PIP4K2A: variants seen among roughly 807,000 people sequenced by gnomAD.
PIP4K2A encodes phosphatidylinositol 5-phosphate 4-kinase type-2 alpha.
A neutral mutation model predicts 42.9 loss-of-function variants in PIP4K2A; 14 were observed. That is an observed-to-expected ratio of 0.33 (90% CI 0.22 to 0.51). The LOEUF is 0.51. Among genes scored for constraint, PIP4K2A ranks in the 20% least tolerant of loss-of-function variants. The pLI is 0.97. For missense variants in PIP4K2A, 434 were observed against 519.8 expected (o/e 0.83, Z 1.61); for synonymous variants, 192 against 192.2 (o/e 1.00, Z 0.01).
intron 1 of PIP4K2A, among the ~76,000 whole-genome samples, chr10:22,689,176 G>A (rs976404830): frequency 1.3e-5 from 2 of 151,336 alleles, no homozygotes; most frequent in African/African-American, 4.9e-5. Context: ...CACTCCCCAA[G>A]CTGCCCCTCA....
intron 6 of PIP4K2A, among the ~76,000 whole-genome samples, chr10:22,561,939 A>G (rs1355693073): frequency 6.6e-6 from 1 of 152,212 alleles, no homozygotes; most frequent in African/African-American, 2.4e-5. Flanking sequence ...AGCAATGAAT[A>G]TAATATTCTT....
intron 3 of PIP4K2A, among the ~76,000 whole-genome samples, chr10:22,592,622 G>C (rs1837539084): frequency 1.3e-5 from 2 of 152,188 alleles, no homozygotes; most frequent in South Asian, 4.1e-4. Flanking sequence ...GTTCATGCTA[G>C]TGACACTGGC....
intron 1 of PIP4K2A, among the ~76,000 whole-genome samples, chr10:22,629,443 A>G (rs540497490): frequency 5.3e-5 from 8 of 152,188 alleles, no homozygotes; most frequent in Non-Finnish European, 1.0e-4. Flanking sequence ...ATTTCGAGGA[A>G]AGCAATCTAT....
intron 1 of PIP4K2A, among the ~76,000 whole-genome samples, chr10:22,631,093 C>G (rs763227425): frequency 1.3e-5 from 2 of 152,150 alleles, no homozygotes; most frequent in Non-Finnish European, 2.9e-5. Flanking sequence ...CCACAGGATA[C>G]GACGTTCAGT....
At chr10:22,687,825 T>C (rs997187292) in intron 1 of PIP4K2A, among the ~76,000 whole-genome samples, 4 of 152,236 alleles carry the variant, frequency 2.6e-5, no homozygotes, top group African/African-American at 4.8e-5. Flanking sequence ...GTTACATTAT[T>C]ATTTGTTTTT....
chr10:22,560,383 TA>T (rs200649830), intron 6 of PIP4K2A, among the ~76,000 whole-genome samples: 1,804 of 152,300 alleles, frequency 0.012, 18 homozygotes, highest in Non-Finnish European at 0.019. Flanking sequence ...GATGACCAGA[TA>T]GGGGTAGTAA....
intron 6 of PIP4K2A, among the ~76,000 whole-genome samples, chr10:22,554,116 G>C (rs888327616): frequency 1.3e-5 from 2 of 152,014 alleles, no homozygotes; most frequent in African/African-American, 4.8e-5. Context: ...ACTCCAGCCT[G>C]GGTGACATAG....
At chr10:22,548,734 C>T (rs1422198955) in intron 7 of PIP4K2A, among the ~76,000 whole-genome samples, 2 of 152,120 alleles carry the variant, frequency 1.3e-5, no homozygotes, top group African/African-American at 4.8e-5. Context: ...ACACTTGTAT[C>T]GTTTTGTTTG....
intron 2 of PIP4K2A, among the ~76,000 whole-genome samples, chr10:22,609,040 T>C (rs1837972379): frequency 6.6e-6 from 1 of 152,200 alleles, no homozygotes; most frequent in African/African-American, 2.4e-5. Flanking sequence ...CTATAGCAGT[T>C]TGTATATGTG....
intron 6 of PIP4K2A, among the ~76,000 whole-genome samples, chr10:22,563,716 G>A (rs572858518): frequency 9.9e-5 from 15 of 152,266 alleles, no homozygotes; most frequent in African/African-American, 1.9e-4. Flanking sequence ...AAACCCTGGC[G>A]CTGTCACTTC....
intron 8 of PIP4K2A, among the ~76,000 whole-genome samples, chr10:22,540,490 G>C (rs186029876): frequency 9.9e-5 from 15 of 152,010 alleles, no homozygotes; most frequent in Admixed American, 8.5e-4. Context: ...ACATCAAATG[G>C]TAGAACTGTT....
At chr10:22,559,611 T>C (rs534343104) in intron 6 of PIP4K2A, among the ~76,000 whole-genome samples, 3 of 152,210 alleles carry the variant, frequency 2.0e-5, no homozygotes, top group Admixed American at 6.5e-5. Context: ...ATACCCCTCA[T>C]GGTTTATGGG....
chr10:22,559,464 A>C (rs1836633595), intron 6 of PIP4K2A, among the ~76,000 whole-genome samples: 1 of 152,192 alleles, frequency 6.6e-6, no homozygotes, highest in Non-Finnish European at 1.5e-5. Flanking sequence ...AGCCTTGAGG[A>C]TTTTAATGCT....
intron 5 of PIP4K2A, among the ~76,000 whole-genome samples, chr10:22,571,340 G>C (rs897114371): frequency 6.6e-6 from 1 of 152,222 alleles, no homozygotes; most frequent in African/African-American, 2.4e-5. Context: ...GACAGGGCTT[G>C]TGGCCAGTGA....
At chr10:22,553,339 G>A (rs901604395) in intron 6 of PIP4K2A, among the ~76,000 whole-genome samples, 2 of 152,200 alleles carry the variant, frequency 1.3e-5, no homozygotes, top group Non-Finnish European at 2.9e-5. Context: ...CATGAATCCT[G>A]AGGTTGCAAT....
At chr10:22,692,308 G>A (rs1251074357) in intron 1 of PIP4K2A, among the ~76,000 whole-genome samples, 2 of 152,084 alleles carry the variant, frequency 1.3e-5, no homozygotes, top group African/African-American at 4.8e-5. Flanking sequence ...CAGAGCTCAG[G>A]CGGTAATGTG....
At chr10:22,674,862 C>A (rs992454031) in intron 1 of PIP4K2A, among the ~76,000 whole-genome samples, 3 of 152,090 alleles carry the variant, frequency 2.0e-5, no homozygotes, top group Non-Finnish European at 4.4e-5. Context: ...ACTCAGCAGG[C>A]TGAGGCAGGA....
chr10:22,704,315 C>A (rs1345744473), intron 1 of PIP4K2A, among the ~76,000 whole-genome samples: 1 of 152,068 alleles, frequency 6.6e-6, no homozygotes, highest in Non-Finnish European at 1.5e-5. Flanking sequence ...GAGCCCCCTG[C>A]ATTTGAAAAT....
At chr10:22,698,437 A>G (rs1481941657) in intron 1 of PIP4K2A, among the ~76,000 whole-genome samples, 2 of 152,192 alleles carry the variant, frequency 1.3e-5, no homozygotes, top group Non-Finnish European at 2.9e-5. Flanking sequence ...CCTTTGACCA[A>G]GTAAATTCCC....
Sources: gnomAD v4.1 joint callset for allele counts (sites outside exome capture counted in the v4.1 genomes callset) on GRCh38, gnomAD v4.1.1 for gene constraint, MANE v1.5 for transcripts, NCBI Gene and HGNC (gene_info 2026-07-23, HGNC 2026-07-21) for gene names.